Variants in NELL1 observed in about 807,000 individuals in gnomAD.
NELL1 encodes the protein neural EGFL like 1, also known as protein kinase C-binding protein NELL1.
In NELL1, 76 loss-of-function variants were observed where a neutral mutation model predicts 107.4. The ratio of observed to expected loss-of-function variants is 0.71; its 90% CI spans 0.59 to 0.86. The LOEUF (loss-of-function observed/expected upper bound fraction) is 0.86. Ranked by LOEUF, NELL1 falls within the 40% of genes least tolerant of loss-of-function variation. NELL1 has a pLI of 0.00. For missense variants in NELL1, 1,024 were observed against 1,005.5 expected (o/e 1.02, Z -0.25); for synonymous variants, 353 against 341.2 (o/e 1.03, Z -0.38).
chr11:21,110,832 G>A (rs1175767104), intron 12 of NELL1, among the ~76,000 whole-genome samples: 2 of 152,146 alleles, frequency 1.3e-5, no homozygotes, highest in African/African-American at 4.8e-5. Context: ...TACAGCCAGA[G>A]TGATATTTTT....
At chr11:21,522,190 T>C (rs146965468) in intron 15 of NELL1, among the ~76,000 whole-genome samples, 1,600 of 149,280 alleles carry the variant, frequency 0.011, 36 homozygotes, top group East Asian at 0.073. Flanking sequence ...GCCAAGATGG[T>C]GCCACTGCAC....
intron 3 of NELL1, among the ~76,000 whole-genome samples, chr11:20,797,723 G>A (rs1251117796): frequency 6.6e-6 from 1 of 152,098 alleles, no homozygotes; most frequent in Non-Finnish European, 1.5e-5. Flanking sequence ...TATATTAGGG[G>A]ATAGAGAAGG....
intron 14 of NELL1, among the ~76,000 whole-genome samples, chr11:21,231,117 A>G (rs1858037998): frequency 1.3e-5 from 2 of 152,228 alleles, no homozygotes; most frequent in South Asian, 4.1e-4. Flanking sequence ...ACACATACAT[A>G]CATGTACACA....
chr11:20,766,631 T>C (rs1856533559), intron 2 of NELL1, among the ~76,000 whole-genome samples: 1 of 152,198 alleles, frequency 6.6e-6, no homozygotes, highest in Non-Finnish European at 1.5e-5. Flanking sequence ...TGTCAACATG[T>C]ACTTTGGCAT....
chr11:21,000,675 T>C (rs1430036123), intron 12 of NELL1, among the ~76,000 whole-genome samples: 1 of 152,232 alleles, frequency 6.6e-6, no homozygotes, highest in East Asian at 1.9e-4. Context: ...ATCAAATTAA[T>C]TGCTTTTCTG....
At chr11:21,160,245 A>T in intron 13 of NELL1, among the ~76,000 whole-genome samples, 1 of 152,296 alleles carries the variant, frequency 6.6e-6, no homozygotes, top group Non-Finnish European at 1.5e-5. Context: ...CATGTGGGAA[A>T]CACCGAGGTG....
chr11:20,861,619 G>T (rs1294272379), intron 4 of NELL1, among the ~76,000 whole-genome samples: 1 of 152,190 alleles, frequency 6.6e-6, no homozygotes, highest in Admixed American at 6.5e-5. Flanking sequence ...TGAGATGGGA[G>T]TAACAAGATT....
intron 15 of NELL1, among the ~76,000 whole-genome samples, chr11:21,492,890 T>TAAA (rs1016927781): frequency 6.6e-6 from 1 of 151,414 alleles, no homozygotes; most frequent in African/African-American, 2.4e-5. Flanking sequence ...AAACTTAAAG[T>TAAA]ATAATAATAA....
At chr11:21,119,063 G>T (rs2133738290) in intron 13 of NELL1, among the ~76,000 whole-genome samples, 1 of 152,160 alleles carries the variant, frequency 6.6e-6, no homozygotes, top group East Asian at 1.9e-4. Flanking sequence ...TTCATGGTTT[G>T]TTAATTAGGC....
At chr11:21,078,153 G>C (rs1465598753) in intron 12 of NELL1, among the ~76,000 whole-genome samples, 1 of 151,994 alleles carries the variant, frequency 6.6e-6, no homozygotes, top group African/African-American at 2.4e-5. Context: ...CAAAAATCTA[G>C]TGCATCCCAG....
At chr11:21,272,761 G>T (rs1848767552) in intron 14 of NELL1, among the ~76,000 whole-genome samples, 1 of 152,184 alleles carries the variant, frequency 6.6e-6, no homozygotes, top group South Asian at 2.1e-4. Context: ...CTGCTGTTCT[G>T]CAGCCTCCAC....
intron 12 of NELL1, among the ~76,000 whole-genome samples, chr11:21,028,662 GTTACCT>G (rs1852879786): frequency 6.6e-6 from 1 of 151,520 alleles, no homozygotes; most frequent in Non-Finnish European, 1.5e-5. Context: ...CTTTTTTAAC[GTTACCT>G]TTCTTCTTTG....
At chr11:21,570,543 T>C (rs1196700072) in intron 17 of NELL1, among the ~76,000 whole-genome samples, 1 of 151,898 alleles carries the variant, frequency 6.6e-6, no homozygotes, top group Admixed American at 6.6e-5. Context: ...TGTTGACTTT[T>C]TGTTAAACTT....
chr11:21,024,494 T>C (rs533208709), intron 12 of NELL1, among the ~76,000 whole-genome samples: 1 of 152,100 alleles, frequency 6.6e-6, no homozygotes, highest in Admixed American at 6.5e-5. Context: ...TTAAAATTTA[T>C]TGTTCAAACT....
chr11:20,890,273 A>G (rs1357669042), intron 5 of NELL1, among the ~76,000 whole-genome samples: 1 of 152,130 alleles, frequency 6.6e-6, no homozygotes, highest in Non-Finnish European at 1.5e-5. Context: ...GAGAGACCTG[A>G]CTATTGAAAT....
chr11:21,444,889 T>C lies in NELL1; in HGVS notation c.1645+73941T>C, dbSNP rs118011496. ...TCCTTTTAGTGTATGTGATTTTCTC[T>C]GGTAGTGTGTTTTAATTTATTGCTT... On this transcript the variant is annotated intron_variant, in intron 15 of 19. Coordinates refer to ENST00000357134, the MANE Select transcript of NELL1 (RefSeq NM_006157.5). Among the ~76,000 whole-genome samples, 475 of 152,298 alleles carry C rather than the reference T, an allele frequency of 3.1e-3. 14 individuals are homozygous for C. Among genetic ancestry groups the C allele is most frequent in the Admixed American group, 0.026 (390 of 15,290 alleles).
chr11:20,876,882 C>T (rs776594041), intron 4 of NELL1, among the ~76,000 whole-genome samples: 1 of 152,210 alleles, frequency 6.6e-6, no homozygotes, highest in Non-Finnish European at 1.5e-5. Flanking sequence ...AAGAGTATAA[C>T]AACCTATGGA....
At chr11:21,207,762 A>C (rs1857419888) in intron 13 of NELL1, among the ~76,000 whole-genome samples, 1 of 152,154 alleles carries the variant, frequency 6.6e-6, no homozygotes, top group Non-Finnish European at 1.5e-5. Context: ...CACACACACC[A>C]ACTGGACCAC....
At chr11:20,915,230 G>A (rs1178357415) in intron 5 of NELL1, among the ~76,000 whole-genome samples, 1 of 151,900 alleles carries the variant, frequency 6.6e-6, no homozygotes, top group Admixed American at 6.6e-5. Context: ...TAACCATTGT[G>A]AACTTTTAAT....
Sources: gnomAD v4.1 joint callset for allele counts (sites outside exome capture counted in the v4.1 genomes callset) on GRCh38, gnomAD v4.1.1 for gene constraint, MANE v1.5 for transcripts, NCBI Gene and HGNC (gene_info 2026-07-23, HGNC 2026-07-21) for gene names.